Variants in EHHADH observed in about 807,000 individuals in gnomAD.
The protein encoded by EHHADH is enoyl-CoA hydratase and 3-hydroxyacyl CoA dehydrogenase, also known as peroxisomal bifunctional enzyme.
EHHADH carries 48 observed loss-of-function variants against 64.4 expected under a neutral mutation model. The observed-to-expected ratio is 0.75, with a 90% confidence interval of 0.59 to 0.95. The LOEUF is 0.95. Among genes scored for constraint, EHHADH ranks in the 40% least tolerant of loss-of-function variants. The pLI is 0.00. For synonymous variants in EHHADH, 308 were observed against 326.7 expected (o/e 0.94, Z 0.62); for missense variants, 854 against 876.6 (o/e 0.97, Z 0.33).
intron 4 of EHHADH, among the ~76,000 whole-genome samples, chr3:185,225,682 A>C (rs975851599): frequency 2.6e-5 from 4 of 152,152 alleles, no homozygotes; most frequent in Admixed American, 2.0e-4. Context: ...AAGCCCAAAA[A>C]GATATGACTT....
intron 2 of EHHADH, among the ~76,000 whole-genome samples, chr3:185,241,422 T>C (rs114277451): frequency 2.1e-3 from 320 of 152,344 alleles, no homozygotes; most frequent in African/African-American, 7.6e-3. Context: ...CCACCAGCAA[T>C]GTACAAGTGT....
intron 4 of EHHADH, among the ~76,000 whole-genome samples, chr3:185,220,257 G>A (rs547063793): frequency 6.6e-6 from 1 of 152,258 alleles, no homozygotes; most frequent in Admixed American, 6.5e-5. Flanking sequence ...CAGAGTCAAT[G>A]GGATTCCAAG....
rs1269244420 is a variant in EHHADH at position 185,230,394 on chromosome 3, A to C, written c.352-851T>G. Reference sequence around the variant, plus strand: ...GATTTTCATGGCACCATGGTTCATAAAAGCCAAAAAAGTAGAAGCAACCCA... The same window carrying C: ...GATTTTCATGGCACCATGGTTCATACAAGCCAAAAAAGTAGAAGCAACCCA... On this transcript the variant is annotated intron_variant, in intron 3 of 6. Transcript: ENST00000231887. 2.0e-5 allele frequency among the ~76,000 whole-genome samples: 3 copies of C among 152,240 alleles called. No homozygotes were observed. The East Asian group carries it at 5.8e-4, about 29-fold the overall frequency.
intron 5 of EHHADH, among the ~76,000 whole-genome samples, chr3:185,205,678 G>C (rs924512774): frequency 1.3e-5 from 2 of 152,144 alleles, no homozygotes; most frequent in Non-Finnish European, 1.5e-5. Context: ...AATCTGCTCA[G>C]TGAGAAATGG....
chr3:185,198,850 C>CAA (rs201321307), intron 6 of EHHADH, among the ~76,000 whole-genome samples: 13 of 133,394 alleles, frequency 9.7e-5, no homozygotes, highest in East Asian at 8.6e-4. Context: ...ACCCTGTCTT[C>CAA]AAAAAAAAAA....
chr3:185,193,347 T>C lies in EHHADH; in HGVS notation c.1051A>G (p.Met351Val), dbSNP rs760838290. The C allele has an allele frequency of 2.5e-6, 4 of 1,613,890 alleles. No homozygotes were observed. The highest frequency in any genetic ancestry group is 3.4e-6 in the Non-Finnish European group (4 of 1,179,974). Reference protein sequence around the residue: ...TSVLEKEASKMQQSGHPWSGP... With the variant: ...TSVLEKEASKVQQSGHPWSGP... ...GACCAAGGGTGGCCGCTCTGTTGCATTTTGGAGGCTTCTTTTTCCAAGACA... is the reference window on the plus strand; with the variant it reads ...GACCAAGGGTGGCCGCTCTGTTGCACTTTGGAGGCTTCTTTTTCCAAGACA... Residue 351 changes from methionine to valine, a missense_variant, in exon 7 of 7, where the codon ATG (methionine) becomes GTG (valine). By Grantham distance (21) the Met-to-Val change is conservative (BLOSUM62 1). Coordinates refer to ENST00000231887, the MANE Select transcript of EHHADH (RefSeq NM_001966.4).
At chr3:185,242,492 A>G (rs1719481864) in intron 2 of EHHADH, among the ~76,000 whole-genome samples, 1 of 152,228 alleles carries the variant, frequency 6.6e-6, no homozygotes, top group South Asian at 2.1e-4. Flanking sequence ...GGAACAGAAG[A>G]GAGAACCCAA....
At chr3:185,229,200 C>T (rs528352129) in intron 4 of EHHADH, among the ~76,000 whole-genome samples, 15 of 152,202 alleles carry the variant, frequency 9.9e-5, no homozygotes, top group East Asian at 1.9e-4. Flanking sequence ...ATTTGATTCG[C>T]TCTTTGCATG....
In EHHADH at chr3:185,191,421, C is replaced by T. The variant is rs1253999688; in HGVS notation, c.*805G>A. On this transcript the variant is annotated 3_prime_UTR_variant, in exon 7 of 7. Coordinates refer to ENST00000231887, the MANE Select transcript of EHHADH (RefSeq NM_001966.4). The stretch of plus-strand genomic sequence containing the variant: ...TGTACAAGTTTTTGTATTGACCAGC[C>T]CCTTAATTTTTAACTACACAAGGCA... The T allele has an allele frequency of 6.6e-6, 1 of 151,972 alleles. No individual in the cohort carries two copies. The highest frequency in any genetic ancestry group is 2.4e-5 in the African/African-American group (1 of 41,382). 9.4% of individuals were successfully genotyped at this position (151,972 alleles called of 1,614,324 possible). A position where few individuals can be genotyped will look rare whatever the true frequency, so the allele number is the denominator to read the frequency against.
intron 2 of EHHADH, among the ~76,000 whole-genome samples, chr3:185,245,192 C>T (rs908215105): frequency 4.6e-5 from 7 of 152,004 alleles, no homozygotes; most frequent in African/African-American, 1.7e-4. Flanking sequence ...TTTAATTTAT[C>T]TTGTATTTTA....
intron 5 of EHHADH, among the ~76,000 whole-genome samples, chr3:185,206,485 G>A (rs991754930): frequency 3.3e-5 from 5 of 152,052 alleles, no homozygotes; most frequent in African/African-American, 1.2e-4. Context: ...CAAGAAATCA[G>A]ACTTCATAAA....
chr3:185,225,377 T>C (rs191177537), intron 4 of EHHADH, among the ~76,000 whole-genome samples: 1 of 152,222 alleles, frequency 6.6e-6, no homozygotes, highest in East Asian at 1.9e-4. Flanking sequence ...ATCTCGTATC[T>C]GCTCTGTCAC....
intron 2 of EHHADH, among the ~76,000 whole-genome samples, chr3:185,239,443 C>A (rs1157193704): frequency 2.0e-5 from 3 of 152,080 alleles, no homozygotes; most frequent in African/African-American, 4.8e-5. Context: ...TTGTCTGTGT[C>A]ATCTATCATT....
chr3:185,204,315 A>G, intron 6 of EHHADH, 101 bp downstream of exon 6: 2 of 1,045,498 alleles, frequency 1.9e-6, no homozygotes, highest in Non-Finnish European at 2.7e-6. Flanking sequence ...AACACAAGTA[A>G]TGTGTCTTAC....
At chr3:185,224,827 CT>C (rs1414640421) in intron 4 of EHHADH, among the ~76,000 whole-genome samples, 1 of 152,200 alleles carries the variant, frequency 6.6e-6, no homozygotes, top group Non-Finnish European at 1.5e-5. Flanking sequence ...TGTCTTCTCT[CT>C]TCTCTGACCT....
At chr3:185,247,699 T>C (rs563624296) in intron 2 of EHHADH, among the ~76,000 whole-genome samples, 14 of 152,338 alleles carry the variant, frequency 9.2e-5, no homozygotes, top group African/African-American at 3.4e-4. Context: ...ACATATTAAA[T>C]TTCTCTGGCT....
In EHHADH at chr3:185,193,309, G is replaced by C; in HGVS notation, c.1089C>G (p.Pro363=). The change falls in exon 7 of 7, where the codon CCC becomes CCG. Residue 363 remains proline (P), a synonymous_variant. Coordinates refer to ENST00000231887, the MANE Select transcript of EHHADH (RefSeq NM_001966.4). ...QSGHPWSGPK[P]RLTSSVKELG... ...GCTCCTTCACAGATGAAGTTAACCT[G>C]GGTTTTGGTCCTGACCAAGGGTGGC... 6.2e-7 allele frequency: 1 copy of C among 1,610,436 alleles called. No homozygotes were observed. Among genetic ancestry groups the C allele is most frequent in the Non-Finnish European group, 8.5e-7 (1 of 1,178,650 alleles).
At chr3:185,246,299 A>C in intron 2 of EHHADH, 4 of 786,666 alleles carry the variant, frequency 5.1e-6, no homozygotes, top group Non-Finnish European at 8.2e-6. Flanking sequence ...CTTTGTCCTC[A>C]GTTGGCTCTG....
intron 6 of EHHADH, among the ~76,000 whole-genome samples, chr3:185,199,637 A>T (rs1215421609): frequency 6.6e-6 from 1 of 152,282 alleles, no homozygotes; most frequent in East Asian, 1.9e-4. Context: ...TTTGTGGCAC[A>T]TGAAAAATTA....
Sources: allele counts gnomAD v4.1 joint callset (sites outside exome capture counted in the v4.1 genomes callset), GRCh38; gene constraint gnomAD v4.1.1; transcripts MANE v1.5; gene names NCBI Gene and HGNC (gene_info 2026-07-23, HGNC 2026-07-21).